DMD: variants seen among roughly 807,000 people sequenced by gnomAD.
The protein encoded by DMD is dystrophin, also known as mutant dystrophin.
A neutral mutation model predicts 330.1 loss-of-function variants in DMD; 63 were observed. That is an observed-to-expected ratio of 0.19 (90% CI 0.16 to 0.24). The LOEUF (loss-of-function observed/expected upper bound fraction) is 0.24. Ranked by LOEUF, DMD falls within the 10% of genes least tolerant of loss-of-function variation. The pLI is 1.00. For synonymous variants in DMD, 1,223 were observed against 959.8 expected (o/e 1.27, Z -5.07); for missense variants, 3,344 against 2,684.1 (o/e 1.25, Z -5.43).
At chrX:32,879,021 A>C (rs1169581222) in intron 2 of DMD, among the ~76,000 whole-genome samples, 4 of 101,766 alleles carry the variant, frequency 3.9e-5, no homozygotes, top group African/African-American at 1.4e-4. Context: ...AAAAAAACAA[A>C]AAACAAAAAA....
chrX:32,204,824 AAAC>A (rs1160062617), intron 44 of DMD, among the ~76,000 whole-genome samples: 1 of 108,750 alleles, frequency 9.2e-6, no homozygotes, highest in Admixed American at 9.9e-5. Context: ...ATACTCTTTT[AAAC>A]AACCACATAT....
Position 32,287,607 on chromosome X carries a change from C to G in DMD, c.6212G>C (p.Arg2071Thr), listed in dbSNP as rs774825173. The change falls in exon 43 of 79, where the codon AGG (arginine) becomes ACG (threonine). Residue 2071 changes from arginine to threonine, a missense_variant. Coordinates refer to ENST00000357033, the MANE Select transcript of DMD (RefSeq NM_004006.3). ...AALQSATPVE[R>T]VKLQEALSQL... Reference sequence around the variant, plus strand: ...GGAGAGAGCTTCCTGTAGCTTCACCCTTTCCACAGGCGTTGCACTTTGCAA... The same window carrying G: ...GGAGAGAGCTTCCTGTAGCTTCACCGTTTCCACAGGCGTTGCACTTTGCAA... 4 of 1,210,732 alleles carry G rather than the reference C, an allele frequency of 3.3e-6. No individual in the cohort carries two copies. The highest frequency in any genetic ancestry group is 4.5e-6 in the Non-Finnish European group (4 of 894,662).
At chrX:33,014,963 C>T (rs1335359741) in intron 2 of DMD, among the ~76,000 whole-genome samples, 1 of 111,293 alleles carries the variant, frequency 9.0e-6, no homozygotes, top group Non-Finnish European at 1.9e-5. Context: ...ATGGATATAA[C>T]GTTTTCTCCT....
chrX:33,115,515 CTT>C (rs780775064), intron 1 of DMD, among the ~76,000 whole-genome samples: 1 of 101,080 alleles, frequency 9.9e-6, no homozygotes. Flanking sequence ...GACAACATTT[CTT>C]TTTTTTTTTT....
intron 44 of DMD, among the ~76,000 whole-genome samples, chrX:32,183,067 C>T (rs1034912723): frequency 8.9e-6 from 1 of 111,780 alleles, no homozygotes; most frequent in African/African-American, 3.2e-5. Flanking sequence ...TTCTGAACAC[C>T]TTGTCCCAAA....
At chrX:32,709,971 A>G (rs2065034671) in intron 7 of DMD, among the ~76,000 whole-genome samples, 1 of 111,157 alleles carries the variant, frequency 9.0e-6, no homozygotes, top group Non-Finnish European at 1.9e-5. Context: ...GTTCATTTTC[A>G]TGGTCTACAC....
chrX:32,274,767 G>T (rs941355245), intron 43 of DMD, among the ~76,000 whole-genome samples: 1 of 112,143 alleles, frequency 8.9e-6, no homozygotes, highest in Admixed American at 9.4e-5. Flanking sequence ...GTGCTGAATG[G>T]TTCATGTTTT....
At chrX:33,011,958 A>G (rs767680420) in intron 2 of DMD, among the ~76,000 whole-genome samples, 6 of 111,682 alleles carry the variant, frequency 5.4e-5, no homozygotes, top group Non-Finnish European at 9.4e-5. Flanking sequence ...TCCAGAGAAT[A>G]TAGGTGTAAT....
chrX:32,974,214 C>T (rs750352285), intron 2 of DMD, among the ~76,000 whole-genome samples: 1 of 111,498 alleles, frequency 9.0e-6, no homozygotes, highest in African/African-American at 3.3e-5. Context: ...AGTATGATTC[C>T]ATTTATATGA....
chrX:32,281,576 T>C (rs1218770024), intron 43 of DMD, among the ~76,000 whole-genome samples: 1 of 111,642 alleles, frequency 9.0e-6, no homozygotes, highest in Non-Finnish European at 1.9e-5. Flanking sequence ...AGAAGCCTGC[T>C]TCAGCCCTTG....
At chrX:32,465,425 T>C in intron 23 of DMD, among the ~76,000 whole-genome samples, 1 of 110,946 alleles carries the variant, frequency 9.0e-6, no homozygotes, top group East Asian at 2.8e-4. Flanking sequence ...CCACAGAAAG[T>C]TTCCCCTTTA....
At chrX:32,874,773 C>T (rs775415761) in intron 2 of DMD, among the ~76,000 whole-genome samples, 26 of 111,704 alleles carry the variant, frequency 2.3e-4, no homozygotes, top group African/African-American at 8.1e-4. Flanking sequence ...AGAATACTCA[C>T]TCTGGGAGCC....
At chrX:31,222,389 T>C (rs1187883076) in intron 64 of DMD, among the ~76,000 whole-genome samples, 5 of 25,306 alleles carry the variant, frequency 2.0e-4, no homozygotes, top group Admixed American at 1.4e-3. Context: ...CAAGACTCCA[T>C]CTCAAAAAAA....
intron 1 of DMD, among the ~76,000 whole-genome samples, chrX:33,146,053 A>AT (rs1019056256): frequency 2.7e-5 from 3 of 109,328 alleles, no homozygotes; most frequent in South Asian, 4.0e-4. Flanking sequence ...CACCCAGCTC[A>AT]TTTTTTTTAA....
At chrX:32,846,884 G>A (rs2080731060) in intron 3 of DMD, among the ~76,000 whole-genome samples, 1 of 110,011 alleles carries the variant, frequency 9.1e-6, no homozygotes, top group South Asian at 4.0e-4. Context: ...GAACATGCCT[G>A]TAGTCTCAGC....
chrX:31,721,035 A>G (rs1232261203), intron 52 of DMD, among the ~76,000 whole-genome samples: 7 of 111,823 alleles, frequency 6.3e-5, no homozygotes, highest in African/African-American at 2.3e-4. Flanking sequence ...TTTTTTATAT[A>G]TCAGTTTTTA....
At chrX:31,925,390 T>G (rs1376636032) in intron 47 of DMD, among the ~76,000 whole-genome samples, 1 of 110,984 alleles carries the variant, frequency 9.0e-6, no homozygotes, top group Non-Finnish European at 1.9e-5. Context: ...TTTAAATAAA[T>G]GGGTAGTTAA....
At chrX:32,049,184 T>G (rs1261574661) in intron 44 of DMD, among the ~76,000 whole-genome samples, 1 of 111,328 alleles carries the variant, frequency 9.0e-6, no homozygotes, top group African/African-American at 3.3e-5. Flanking sequence ...TAATTGAGAT[T>G]TGAGACAACA....
intron 9 of DMD, among the ~76,000 whole-genome samples, chrX:32,660,396 C>T (rs916364126): frequency 9.9e-5 from 11 of 111,100 alleles, no homozygotes; most frequent in Non-Finnish European, 2.1e-4. Flanking sequence ...AAACAGAACC[C>T]TAAGTGAGGT....
Sources: gnomAD v4.1 joint callset for allele counts (sites outside exome capture counted in the v4.1 genomes callset) on GRCh38, gnomAD v4.1.1 for gene constraint, MANE v1.5 for transcripts, NCBI Gene and HGNC (gene_info 2026-07-23, HGNC 2026-07-21) for gene names.